The following POLK variants were observed in gnomAD, a reference collection of about 807,000 sequenced individuals.
POLK encodes the protein DNA polymerase kappa.
POLK carries 76 observed loss-of-function variants against 94.0 expected under a neutral mutation model. The ratio of observed to expected loss-of-function variants is 0.81; its 90% CI spans 0.67 to 0.98. The LOEUF is 0.98. POLK is among the 50% of genes least tolerant of loss of function. The pLI is 0.00. For missense variants in POLK, 954 were observed against 1,010.1 expected (o/e 0.94, Z 0.75); for synonymous variants, 349 against 325.4 (o/e 1.07, Z -0.78).
chr5:75,563,774 T>C (rs1250074998), intron 3 of POLK, among the ~76,000 whole-genome samples: 1 of 152,200 alleles, frequency 6.6e-6, no homozygotes. Flanking sequence ...TGTTATGATT[T>C]CTGTTCTTTT....
chr5:75,511,921 A>G lies in POLK; in HGVS notation c.-14+7A>G. Reference sequence around the variant, plus strand: ...CGCGATCCTGAGGTAACGGGTGAGTATCCCGCGCGGGGATCGCTTGTCCCC... The same window carrying G: ...CGCGATCCTGAGGTAACGGGTGAGTGTCCCGCGCGGGGATCGCTTGTCCCC... On this transcript the variant is annotated splice_region_variant and intron_variant, in intron 1 of 14. Coordinates refer to ENST00000241436, the Ensembl canonical transcript of POLK. 3 of 1,200,256 alleles carry G rather than the reference A, an allele frequency of 2.5e-6. No homozygotes were observed. Among genetic ancestry groups the G allele is most frequent in the South Asian group, 3.0e-5 (2 of 66,500 alleles). 74.4% of individuals were successfully genotyped at this position (1,200,256 alleles called of 1,614,324 possible).
intron 1 of POLK, among the ~76,000 whole-genome samples, chr5:75,532,537 C>T (rs1487286989): frequency 6.6e-6 from 1 of 152,018 alleles, no homozygotes; most frequent in African/African-American, 2.4e-5. Flanking sequence ...AATAGCGCTG[C>T]AATGAACAAG....
intron 4 of POLK, among the ~76,000 whole-genome samples, chr5:75,572,402 G>C (rs1021941947): frequency 1.3e-5 from 2 of 151,880 alleles, no homozygotes. Context: ...TTTTGTTCTA[G>C]ATGAAAAGTT....
chr5:75,538,181 T>C (rs1296440374), intron 1 of POLK, among the ~76,000 whole-genome samples: 1 of 152,190 alleles, frequency 6.6e-6, no homozygotes, highest in Non-Finnish European at 1.5e-5. Flanking sequence ...TAGTGTACTT[T>C]GTAGTATAGA....
intron 1 of POLK, among the ~76,000 whole-genome samples, chr5:75,515,851 G>A (rs779290639): frequency 6.6e-6 from 1 of 152,180 alleles, no homozygotes; most frequent in Non-Finnish European, 1.5e-5. Context: ...CTGCTCAGGA[G>A]TTTAAAACTA....
chr5:75,608,446 C>T, the POLK span, among the ~76,000 whole-genome samples: 4 of 152,174 alleles, frequency 2.6e-5, no homozygotes, highest in South Asian at 2.1e-4. Context: ...CCTCCCACTT[C>T]GGCCTCTCAA....
At chr5:75,539,822 T>A (rs1333734575) in intron 1 of POLK, among the ~76,000 whole-genome samples, 1 of 152,222 alleles carries the variant, frequency 6.6e-6, no homozygotes, top group Non-Finnish European at 1.5e-5. Context: ...AGCTTTCCCC[T>A]TTTTGTAGGT....
intron 3 of POLK, among the ~76,000 whole-genome samples, chr5:75,563,921 A>G (rs1021757361): frequency 2.0e-5 from 3 of 152,186 alleles, no homozygotes; most frequent in Non-Finnish European, 2.9e-5. Context: ...TGCTTGGTCC[A>G]GAGCTGAGTT....
the POLK span, among the ~76,000 whole-genome samples, chr5:75,608,409 G>A: frequency 6.6e-6 from 1 of 152,118 alleles, no homozygotes; most frequent in African/African-American, 2.4e-5. Flanking sequence ...TGCCCAGGTT[G>A]GCCTCAAACT....
chr5:75,582,025 A>G, intron 7 of POLK: 2 of 984,836 alleles, frequency 2.0e-6, no homozygotes, highest in Non-Finnish European at 2.4e-6. Flanking sequence ...ATATATTTTT[A>G]TTGGTTTTGC....
chr5:75,554,802 A>G (rs935858538), intron 3 of POLK, among the ~76,000 whole-genome samples: 5 of 152,266 alleles, frequency 3.3e-5, no homozygotes, highest in African/African-American at 9.6e-5. Flanking sequence ...AATGGCCTCC[A>G]TCTCCATCCA....
At chr5:75,599,326 C>CT (rs1479647913) in exon 15 of POLK, 4 of 151,958 alleles carry the variant, frequency 2.6e-5, no homozygotes, top group South Asian at 2.1e-4. Flanking sequence ...GGAGCTAAAT[C>CT]TTTTATATTT....
chr5:75,535,899 T>G (rs1580952767), intron 1 of POLK, among the ~76,000 whole-genome samples: 1 of 152,340 alleles, frequency 6.6e-6, no homozygotes, highest in Middle Eastern at 3.4e-3. Context: ...TTTGACTGTC[T>G]CCTATATGTC....
At chr5:75,587,347 A>G (rs1016937694) in intron 10 of POLK, among the ~76,000 whole-genome samples, 1 of 152,190 alleles carries the variant, frequency 6.6e-6, no homozygotes, top group African/African-American at 2.4e-5. Flanking sequence ...GCTTGTTTAT[A>G]AGGACAATTG....
the POLK span, among the ~76,000 whole-genome samples, chr5:75,608,155 G>A: frequency 6.6e-6 from 1 of 151,960 alleles, no homozygotes; most frequent in Non-Finnish European, 1.5e-5. Context: ...TGCAGGTCGG[G>A]TACTGTTTTA....
chr5:75,568,107 A>G (rs1771378751), intron 3 of POLK, among the ~76,000 whole-genome samples: 1 of 152,154 alleles, frequency 6.6e-6, no homozygotes, highest in Non-Finnish European at 1.5e-5. Flanking sequence ...CCTTTGAGAA[A>G]ACTTGCTAGA....
upstream of POLK, among the ~76,000 whole-genome samples, chr5:75,510,878 C>A (rs1011620305): frequency 6.6e-6 from 1 of 152,182 alleles, no homozygotes; most frequent in African/African-American, 2.4e-5. Context: ...GCCTCCCAAA[C>A]TGGATCTCAG....
exon 6 of POLK, chr5:75,576,807 C>G: frequency 6.6e-7 from 1 of 1,517,738 alleles, no homozygotes; most frequent in Non-Finnish European, 8.8e-7. Context: ...TGATTATGAT[C>G]CCAATTTTAT....
chr5:75,581,229 A>T (rs1437012053), exon 7 of POLK: 1 of 1,603,278 alleles, frequency 6.2e-7, no homozygotes, highest in Non-Finnish European at 8.5e-7. Flanking sequence ...AAAGGAAGTT[A>T]ATAAACTGAG....
Sources: allele counts gnomAD v4.1 joint callset (sites outside exome capture counted in the v4.1 genomes callset), GRCh38; gene constraint gnomAD v4.1.1; transcripts MANE v1.5; gene names NCBI Gene and HGNC (gene_info 2026-07-23, HGNC 2026-07-21).